Variants in CCM2 observed in about 807,000 individuals in gnomAD.
The protein encoded by CCM2 is CCM2 scaffold protein.
In CCM2, 25 loss-of-function variants were observed where a neutral mutation model predicts 44.9. The ratio of observed to expected loss-of-function variants is 0.56; its 90% CI spans 0.41 to 0.78. The LOEUF is 0.78. Ranked by LOEUF, CCM2 falls within the 30% of genes least tolerant of loss-of-function variation. CCM2 has a pLI of 0.00. For missense variants in CCM2, 481 were observed against 580.6 expected (o/e 0.83, Z 1.76); for synonymous variants, 219 against 241.1 (o/e 0.91, Z 0.85).
chr7:45,063,728 A>C (rs1798630552), intron 2 of CCM2, among the ~76,000 whole-genome samples, 190 bp from the exon 3 acceptor site: 1 of 152,098 alleles, frequency 6.6e-6, no homozygotes, highest in African/African-American at 2.4e-5. Flanking sequence ...CACTGTCCTC[A>C]GCCAGTAGAG....
intron 2 of CCM2, among the ~76,000 whole-genome samples, chr7:45,052,751 CTG>C (rs1373164571): frequency 2.0e-5 from 3 of 152,180 alleles, no homozygotes; most frequent in Admixed American, 2.0e-4. Context: ...AGGAGCCAGA[CTG>C]GGCATGAGAT....
chr7:45,005,726 C>T (rs1185783997), intron 1 of CCM2, among the ~76,000 whole-genome samples: 5 of 152,208 alleles, frequency 3.3e-5, no homozygotes, highest in African/African-American at 9.6e-5. Flanking sequence ...AGGGACATTG[C>T]ACTTTGGAAA....
In CCM2 at chr7:45,015,655, A is replaced by G. The variant is rs550105154; in HGVS notation, c.30+15292A>G. Among the ~76,000 whole-genome samples the G allele has an allele frequency of 1.1e-4, 16 of 152,346 alleles. No homozygotes were observed. The South Asian group carries it at 3.1e-3, about 30-fold the overall frequency. Reference sequence around the variant, plus strand: ...TGCATGTTGAGGCAGAGTTGGTCCCAGACATGCCTTCTCTAATCCTATGGC... The same window carrying G: ...TGCATGTTGAGGCAGAGTTGGTCCCGGACATGCCTTCTCTAATCCTATGGC... On this transcript the variant is annotated intron_variant, in intron 1 of 9. Coordinates refer to ENST00000258781, the MANE Select transcript of CCM2 (RefSeq NM_031443.4).
At chr7:45,062,053 A>G (rs1284485401) in intron 2 of CCM2, among the ~76,000 whole-genome samples, 1 of 152,136 alleles carries the variant, frequency 6.6e-6, no homozygotes, top group East Asian at 1.9e-4. Context: ...AGCATTGCAT[A>G]TCTGTCTCTC....
In CCM2 at chr7:45,066,732, T is replaced by C. The variant is rs76987407; in HGVS notation, c.473-1711T>C. Among the ~76,000 whole-genome samples, 1,218 of 152,176 alleles carry C rather than the reference T, an allele frequency of 8.0e-3. 17 individuals are homozygous for C. Among genetic ancestry groups the C allele is most frequent in the African/African-American group, 0.027 (1,133 of 41,522 alleles). The stretch of plus-strand genomic sequence containing the variant: ...CCGTGGTAGCACTTCCTGGATGATA[T>C]AGGAGAGGCACACAACTCGCTGCCC... On this transcript the variant is annotated intron_variant, in intron 4 of 9. Transcript: ENST00000258781.
intron 2 of CCM2, among the ~76,000 whole-genome samples, chr7:45,041,483 A>G (rs1797497597): frequency 1.3e-5 from 2 of 152,196 alleles, no homozygotes; most frequent in Non-Finnish European, 2.9e-5. Flanking sequence ...TTTTTGCCTC[A>G]TGTAGCCCAG....
intron 1 of CCM2, among the ~76,000 whole-genome samples, chr7:45,037,369 T>G (rs1797273303): frequency 6.6e-6 from 1 of 151,040 alleles, no homozygotes; most frequent in South Asian, 2.1e-4. Context: ...GGGTGTGAAG[T>G]CATCAGAGTT....
At chr7:45,011,137 T>G (rs1796049139) in intron 1 of CCM2, among the ~76,000 whole-genome samples, 1 of 152,162 alleles carries the variant, frequency 6.6e-6, no homozygotes, top group South Asian at 2.1e-4. Flanking sequence ...ACTCCTGCAG[T>G]TCTCATGCCT....
intron 1 of CCM2, among the ~76,000 whole-genome samples, chr7:45,030,210 T>C (rs1048397649): frequency 6.6e-6 from 1 of 152,218 alleles, no homozygotes; most frequent in Admixed American, 6.5e-5. Context: ...TTCTGGGGAC[T>C]GAATTGGTCC....
chr7:45,052,762 A>G (rs529822060), intron 2 of CCM2, among the ~76,000 whole-genome samples: 84 of 152,284 alleles, frequency 5.5e-4, no homozygotes, highest in Non-Finnish European at 1.0e-3. Flanking sequence ...TGGGCATGAG[A>G]TGGGGGCCCC....
Position 45,000,278 on chromosome 7 carries a change from T to TGGCGGCGGGGCTCCCGGGGCGG in CCM2, c.-54_-33dup. On this transcript the variant is annotated 5_prime_UTR_variant, in exon 1 of 10. Coordinates refer to ENST00000258781, the MANE Select transcript of CCM2 (RefSeq NM_031443.4). ...CCCGGGTCGAGCATGTAGCGGCTGC[T>TGGCGGCGGGGCTCCCGGGGCGG]GGCGGCGGGGCTCCCGGGGCGGGCC... The TGGCGGCGGGGCTCCCGGGGCGG allele has an allele frequency of 9.3e-7, 1 of 1,074,478 alleles. No individual in the cohort carries two copies. The highest frequency in any genetic ancestry group is 1.1e-6 in the Non-Finnish European group (1 of 889,684). 66.6% of individuals were successfully genotyped at this position (1,074,478 alleles called of 1,614,324 possible). A position where few individuals can be genotyped will look rare whatever the true frequency, so the allele number is the denominator to read the frequency against.
intron 2 of CCM2, among the ~76,000 whole-genome samples, chr7:45,058,281 GT>G (rs1798356535): frequency 6.6e-6 from 1 of 152,078 alleles, no homozygotes; most frequent in African/African-American, 2.4e-5. Context: ...TAGGGGGAAG[GT>G]ATCTAACTTT....
intron 1 of CCM2, among the ~76,000 whole-genome samples, chr7:45,024,521 T>C (rs991964321): frequency 1.3e-5 from 2 of 152,216 alleles, no homozygotes; most frequent in Admixed American, 1.3e-4. Flanking sequence ...CCACATCTTT[T>C]TCTCTCTTGG....
chr7:45,067,915 C>T (rs1315067941), intron 4 of CCM2: 1 of 190,600 alleles, frequency 5.2e-6, no homozygotes, highest in Non-Finnish European at 1.1e-5. Flanking sequence ...ATTGGCCTCA[C>T]TTCTGCCATC....
chr7:45,030,527 C>G (rs1796914585), intron 1 of CCM2, among the ~76,000 whole-genome samples: 1 of 152,108 alleles, frequency 6.6e-6, no homozygotes. Flanking sequence ...CCTCAACCTC[C>G]CAAGCTCAAG....
chr7:45,023,195 C>T (rs1194589514), intron 1 of CCM2, among the ~76,000 whole-genome samples: 2 of 152,138 alleles, frequency 1.3e-5, no homozygotes, highest in Non-Finnish European at 2.9e-5. Flanking sequence ...TAGTTTAGCT[C>T]CCACTTATAA....
Position 45,076,066 on chromosome 7 carries a change from G to C in CCM2, c.*9G>C, listed in dbSNP as rs1562921946. Reference sequence around the variant, plus strand: ...ACCAGGACTCAGCATGATGGACAGTGGATGGGGGGGCACCCACACCTTCCG... The same window carrying C: ...ACCAGGACTCAGCATGATGGACAGTCGATGGGGGGGCACCCACACCTTCCG... On this transcript the variant is annotated 3_prime_UTR_variant, in exon 10 of 10. Transcript: ENST00000258781. 6.2e-7 allele frequency: 1 copy of C among 1,612,908 alleles called. No homozygotes were observed. Among genetic ancestry groups the C allele is most frequent in the Non-Finnish European group, 8.5e-7 (1 of 1,180,030 alleles).
chr7:45,023,931 C>T (rs1375072807), intron 1 of CCM2, among the ~76,000 whole-genome samples: 2 of 151,196 alleles, frequency 1.3e-5, no homozygotes, highest in Non-Finnish European at 2.9e-5. Flanking sequence ...CTGCCTCAGT[C>T]TCCGTAGTAG....
chr7:45,015,024 C>G (rs1422904630), intron 1 of CCM2, among the ~76,000 whole-genome samples: 4 of 152,292 alleles, frequency 2.6e-5, no homozygotes, highest in East Asian at 3.9e-4. Context: ...TAAACACTTT[C>G]TTACATTTGC....
Sources: gnomAD v4.1 joint callset for allele counts (sites outside exome capture counted in the v4.1 genomes callset) on GRCh38, gnomAD v4.1.1 for gene constraint, MANE v1.5 for transcripts, NCBI Gene and HGNC (gene_info 2026-07-23, HGNC 2026-07-21) for gene names.